The following SNX25 variants were observed in gnomAD, a reference collection of about 807,000 sequenced individuals.
The protein encoded by SNX25 is sorting nexin-25.
A neutral mutation model predicts 113.7 loss-of-function variants in SNX25; 62 were observed. The ratio of observed to expected loss-of-function variants is 0.55; its 90% CI spans 0.44 to 0.67. The LOEUF (loss-of-function observed/expected upper bound fraction) is 0.67. Ranked by LOEUF, SNX25 falls within the 30% of genes least tolerant of loss-of-function variation. The pLI, the probability that SNX25 is intolerant of heterozygous loss-of-function variation, is 0.00. For missense variants in SNX25, 1,014 were observed against 1,161.0 expected (o/e 0.87, Z 1.84); for synonymous variants, 421 against 436.2 (o/e 0.97, Z 0.43).
intron 6 of SNX25, among the ~76,000 whole-genome samples, chr4:185,305,561 G>A (rs1000444127): frequency 6.6e-6 from 1 of 152,142 alleles, no homozygotes; most frequent in African/African-American, 2.4e-5. Flanking sequence ...TGCTGTTTTT[G>A]TTTTACTGCA....
intron 2 of SNX25, among the ~76,000 whole-genome samples, chr4:185,251,608 T>C (rs1389449375): frequency 3.2e-5 from 2 of 62,502 alleles, no homozygotes; most frequent in Non-Finnish European, 9.5e-5. Flanking sequence ...CGTGTGTGTG[T>C]GTGTGTGTGT....
chr4:185,225,682 T>C (rs1740894838), intron 1 of SNX25, among the ~76,000 whole-genome samples: 1 of 152,140 alleles, frequency 6.6e-6, no homozygotes, highest in East Asian at 1.9e-4. Flanking sequence ...AACTTAACAT[T>C]TCTTGCACCT....
intron 7 of SNX25, among the ~76,000 whole-genome samples, chr4:185,318,023 C>T (rs2080131526): frequency 6.6e-6 from 1 of 152,170 alleles, no homozygotes; most frequent in African/African-American, 2.4e-5. Flanking sequence ...AATGGATATA[C>T]TGCATCATCC....
chr4:185,246,643 T>A (rs3108254), intron 1 of SNX25, among the ~76,000 whole-genome samples: 17,838 of 152,230 alleles, frequency 0.12, 1,243 homozygotes, highest in African/African-American at 0.19. Context: ...AGATACTGTC[T>A]CCTAGTCTAT....
intron 1 of SNX25, among the ~76,000 whole-genome samples, chr4:185,211,738 T>G (rs1737838454): frequency 6.6e-6 from 1 of 152,170 alleles, no homozygotes; most frequent in Non-Finnish European, 1.5e-5. Context: ...AAACAGTGAT[T>G]AAGAGGTAAG....
At chr4:185,314,734 T>C (rs1396098942) in intron 7 of SNX25, among the ~76,000 whole-genome samples, 1 of 150,714 alleles carries the variant, frequency 6.6e-6, no homozygotes, top group African/African-American at 2.4e-5. Flanking sequence ...GGTGGGCACC[T>C]ATAATCCCAG....
intron 4 of SNX25, 80 bp from the exon 5 acceptor site, chr4:185,266,889 A>G (rs1179397082): frequency 1.5e-6 from 2 of 1,367,286 alleles, no homozygotes; most frequent in African/African-American, 2.9e-5. Flanking sequence ...TCCCAAATGT[A>G]GTCTCAGTTA....
At chr4:185,303,116 C>T (rs115692853) in intron 6 of SNX25, among the ~76,000 whole-genome samples, 550 of 152,266 alleles carry the variant, frequency 3.6e-3, no homozygotes, top group African/African-American at 0.013. Flanking sequence ...ACACACAAAT[C>T]CGAAACTTGA....
At chr4:185,260,934 G>A (rs1348118101) in intron 3 of SNX25, among the ~76,000 whole-genome samples, 1 of 152,142 alleles carries the variant, frequency 6.6e-6, no homozygotes, top group East Asian at 1.9e-4. Flanking sequence ...CTTTCGAAGT[G>A]TTCACCAACC....
intron 1 of SNX25, among the ~76,000 whole-genome samples, chr4:185,240,434 C>G (rs1220425535): frequency 2.7e-5 from 4 of 148,754 alleles, no homozygotes; most frequent in African/African-American, 5.0e-5. Context: ...GGCGGCTGGC[C>G]GGGCAGAGGG....
At chr4:185,295,658 C>T (rs981717458) in intron 6 of SNX25, among the ~76,000 whole-genome samples, 1 of 152,088 alleles carries the variant, frequency 6.6e-6, no homozygotes, top group African/African-American at 2.4e-5. Flanking sequence ...CCACGTTGCT[C>T]AGGCTGGTCT....
the SNX25 span, among the ~76,000 whole-genome samples, chr4:185,375,208 TG>T: frequency 6.6e-6 from 1 of 150,960 alleles, no homozygotes; most frequent in Non-Finnish European, 1.5e-5. Flanking sequence ...CCCAGGTAGC[TG>T]GGAATACAAG....
rs578248202 is a variant in SNX25, at chr4:185,318,044, TAAA to T, written c.1345-2685_1345-2683del. On this transcript the variant is annotated intron_variant, in intron 7 of 18. Transcript: ENST00000652585. ...TATACTGCATCATCCTCAGAAAAAATAAAAAAGAAAGAAAATGCCTGCCCCCTT... is the reference window on the plus strand; with the variant it reads ...TATACTGCATCATCCTCAGAAAAAATAAAGAAAGAAAATGCCTGCCCCCTT... Among the ~76,000 whole-genome samples, 815 of 151,758 alleles carry T rather than the reference TAAA, an allele frequency of 5.4e-3. 1 individual carries two copies. The highest frequency in any genetic ancestry group is 0.014 in the Middle Eastern group (4 of 294).
intron 8 of SNX25, among the ~76,000 whole-genome samples, chr4:185,322,269 A>G (rs1394411894): frequency 6.6e-6 from 1 of 152,174 alleles, no homozygotes; most frequent in Non-Finnish European, 1.5e-5. Flanking sequence ...TGTCTCTACT[A>G]AAAATACAAA....
chr4:185,329,783 A>T (rs2095181521), intron 9 of SNX25, among the ~76,000 whole-genome samples: 1 of 152,040 alleles, frequency 6.6e-6, no homozygotes, highest in African/African-American at 2.4e-5. Context: ...GATTCCTGAG[A>T]CCTGAGGGTT....
intron 6 of SNX25, among the ~76,000 whole-genome samples, chr4:185,290,165 G>A (rs1184968884): frequency 1.3e-5 from 2 of 152,176 alleles, no homozygotes; most frequent in African/African-American, 4.8e-5. Context: ...ACTCTGCAAA[G>A]GCCCTGTCTC....
At chr4:185,294,741 C>A (rs756784206) in intron 6 of SNX25, among the ~76,000 whole-genome samples, 6 of 152,088 alleles carry the variant, frequency 3.9e-5, no homozygotes, top group Non-Finnish European at 8.8e-5. Flanking sequence ...CTCATTATAC[C>A]CTCTGCTGTC....
chr4:185,334,562 C>T lies in SNX25; in HGVS notation c.1914+1803C>T, dbSNP rs1469711331. 7.2e-5 allele frequency among the ~76,000 whole-genome samples: 11 copies of T among 152,108 alleles called. No individual in the cohort carries two copies. Among genetic ancestry groups the T allele is most frequent in the Admixed American group, 7.2e-4 (11 of 15,278 alleles). ...TGGCATGGCAGATAATCAGTATCTG[C>T]AATATGGCATGTTCTTTAAGAACAG... On this transcript the variant is annotated intron_variant, in intron 10 of 18. Coordinates refer to ENST00000652585, the MANE Select transcript of SNX25 (RefSeq NM_001378034.2). The surrounding 1 kb of genome is among the most constrained non-coding windows in gnomAD (Gnocchi z 4.2).
intron 2 of SNX25, among the ~76,000 whole-genome samples, chr4:185,257,584 T>C (rs1187770317): frequency 2.0e-5 from 3 of 152,248 alleles, no homozygotes; most frequent in African/African-American, 7.2e-5. Flanking sequence ...ATGTTTTACA[T>C]AATTTTGTTA....
Sources: gnomAD v4.1 joint callset for allele counts (sites outside exome capture counted in the v4.1 genomes callset) on GRCh38, gnomAD v4.1.1 for gene constraint, Gnocchi (gnomAD v3.1) non-coding constraint, MANE v1.5 for transcripts, NCBI Gene and HGNC (gene_info 2026-07-23, HGNC 2026-07-21) for gene names.